RGMA: variants seen among roughly 807,000 people sequenced by gnomAD.
RGMA encodes repulsive guidance molecule BMP co-receptor a.
In RGMA, 10 loss-of-function variants were observed where a neutral mutation model predicts 23.2. The ratio of observed to expected loss-of-function variants is 0.43; its 90% confidence interval spans 0.27 to 0.73. The LOEUF is 0.73. RGMA is among the 30% of genes least tolerant of loss of function. RGMA has a pLI of 0.20. For synonymous variants in RGMA, 308 were observed against 279.3 expected, an observed-to-expected ratio of 1.10 and a Z score of -1.03; for missense variants, 547 against 630.5, an observed-to-expected ratio of 0.87 and a Z score of 1.42.
intron 2 of RGMA, among the ~76,000 whole-genome samples, chr15:93,058,099 C>T (rs2055043061): frequency 6.6e-6 from 1 of 152,202 alleles, no homozygotes; most frequent in Non-Finnish European, 1.5e-5. Context: ...TGCCTCTGTC[C>T]TTCCCTTGTT....
intron 1 of RGMA, among the ~76,000 whole-genome samples, chr15:93,082,438 T>A (rs981859950): frequency 6.6e-6 from 1 of 152,198 alleles, no homozygotes; most frequent in South Asian, 2.1e-4. Context: ...CGAGACAGAC[T>A]CATTTCTAAG....
chr15:93,073,940 G>T, intron 1 of RGMA: 1 of 1,430,692 alleles, frequency 7.0e-7, no homozygotes, highest in Non-Finnish European at 9.1e-7. Flanking sequence ...ATGGTTTGGC[G>T]CTCTCTGCGA....
At chr15:93,066,173 C>T (rs756998767) in intron 2 of RGMA, 4 of 1,398,234 alleles carry the variant, frequency 2.9e-6, no homozygotes, top group East Asian at 2.4e-5. Flanking sequence ...GCTTCTGCAC[C>T]CTTCTCTCCT....
chr15:93,080,860 A>C (rs1420653938), intron 1 of RGMA, among the ~76,000 whole-genome samples: 1 of 152,154 alleles, frequency 6.6e-6, no homozygotes, highest in Non-Finnish European at 1.5e-5. Flanking sequence ...CTGGGACTAT[A>C]AACTGGGGTA....
rs115896487 is a variant in RGMA, at chr15:93,061,947, G to C, written c.131-9440C>G. Among the ~76,000 whole-genome samples the C allele has an allele frequency of 3.5e-3, 529 of 152,294 alleles. 3 individuals carry two copies. The highest frequency in any genetic ancestry group is 0.012 in the African/African-American group (500 of 41,544). On this transcript the variant is annotated intron_variant, in intron 2 of 3. Coordinates refer to ENST00000329082, the MANE Select transcript of RGMA (RefSeq NM_020211.3). ...AGGAGTCCTAGGAATGCAGTGAGCT[G>C]CTGCAGAGCCTGAACCCAGGAATAA...
chr15:93,075,867 A>C (rs1261361299), intron 1 of RGMA, among the ~76,000 whole-genome samples: 1 of 152,078 alleles, frequency 6.6e-6, no homozygotes. Flanking sequence ...CTGAATTTGG[A>C]CATCTTCAAA....
intron 2 of RGMA, among the ~76,000 whole-genome samples, chr15:93,059,567 G>A (rs2055069245): frequency 6.6e-6 from 1 of 152,208 alleles, no homozygotes; most frequent in African/African-American, 2.4e-5. Context: ...ATGTGGAAAG[G>A]AAGCTCTCTG....
At chr15:93,072,611 A>T (rs866584317) in intron 2 of RGMA, among the ~76,000 whole-genome samples, 1 of 152,024 alleles carries the variant, frequency 6.6e-6, no homozygotes, top group African/African-American at 2.4e-5. Context: ...AGCCCCTAGG[A>T]GGCACGTTCC....
chr15:93,072,120 GA>G (rs1468678514), intron 2 of RGMA, among the ~76,000 whole-genome samples: 2 of 151,658 alleles, frequency 1.3e-5, no homozygotes, highest in Non-Finnish European at 2.9e-5. Flanking sequence ...CCCCCGAAAG[GA>G]AAAAAAGTAA....
chr15:93,048,166 G>A (rs1173732191), intron 3 of RGMA, among the ~76,000 whole-genome samples: 1 of 152,180 alleles, frequency 6.6e-6, no homozygotes, highest in Non-Finnish European at 1.5e-5. Context: ...GGTGCCCCTG[G>A]CCGTGTTGCT....
intron 1 of RGMA, among the ~76,000 whole-genome samples, chr15:93,079,702 C>G (rs1275681001): frequency 6.6e-6 from 1 of 152,090 alleles, no homozygotes. Flanking sequence ...CACCTGTAAC[C>G]CCAGCTACTT....
rs1192318185 is a variant in RGMA at position 93,066,112 on chromosome 15, G to T, written c.130+6804C>A. 7 of 1,400,654 alleles carry T rather than the reference G, an allele frequency of 5.0e-6. No homozygotes were observed. The African/African-American group carries it at 9.9e-5, about 20-fold the overall frequency. 86.8% of individuals were successfully genotyped at this position (1,400,654 alleles called of 1,614,324 possible). A position where few individuals can be genotyped will look rare whatever the true frequency, so the allele number is the denominator to read the frequency against. ...TCGGCGAAACTTACGTAGGTTGGGG[G>T]CATAACAGCTGCCCTTCACGGGCAC... On this transcript the variant is annotated intron_variant, in intron 2 of 3. Coordinates refer to ENST00000329082, the MANE Select transcript of RGMA (RefSeq NM_020211.3).
chr15:93,073,222 A>T lies in RGMA; in HGVS notation c.15-191T>A. 3 of 1,085,860 alleles carry T rather than the reference A, an allele frequency of 2.8e-6. No individual in the cohort carries two copies. The South Asian group carries it at 1.3e-4, about 48-fold the overall frequency. The allele number at this position is 1,085,860 out of a possible 1,614,324, so 67.3% of individuals were successfully genotyped here. On this transcript the variant is annotated intron_variant, in intron 1 of 3. Coordinates refer to ENST00000329082, the MANE Select transcript of RGMA (RefSeq NM_020211.3). ...CCATCCATCACTCGGTTCTCCGCCA[A>T]TGTCGACGCGGCCCCGCGCCCCAGC...
chr15:93,064,949 C>T (rs960124113), intron 2 of RGMA, among the ~76,000 whole-genome samples: 1 of 152,082 alleles, frequency 6.6e-6, no homozygotes, highest in East Asian at 1.9e-4. Flanking sequence ...TTCTATACCA[C>T]ACAGTACAGA....
intron 2 of RGMA, among the ~76,000 whole-genome samples, chr15:93,061,103 T>G (rs897013847): frequency 1.3e-5 from 2 of 152,196 alleles, no homozygotes; most frequent in African/African-American, 4.8e-5. Context: ...TTCTGAGGGT[T>G]GGGGACCCCC....
At chr15:93,072,242 C>A (rs1895351201) in intron 2 of RGMA, among the ~76,000 whole-genome samples, 1 of 152,146 alleles carries the variant, frequency 6.6e-6, no homozygotes, top group African/African-American at 2.4e-5. Context: ...CAGCGATCTG[C>A]CAAAAACATT....
In RGMA at chr15:93,051,879, C is replaced by T. The variant is rs1270859990; in HGVS notation, c.645+114G>A. 18 of 1,145,414 alleles carry T rather than the reference C, an allele frequency of 1.6e-5. No homozygotes were observed. In the East Asian group the frequency reaches 4.4e-4, roughly 28 times the overall value. 71.0% of individuals were successfully genotyped at this position (1,145,414 alleles called of 1,614,324 possible). On this transcript the variant is annotated intron_variant, in intron 3 of 3. Transcript: ENST00000329082. ...GGGAGGGTGCTCCTGTGTCCCCGCT[C>T]CGCTCCGTCTTCCCCCATTCCCAGG...
At chr15:93,050,781 G>A (rs780979084) in intron 3 of RGMA, among the ~76,000 whole-genome samples, 3 of 152,282 alleles carry the variant, frequency 2.0e-5, no homozygotes, top group African/African-American at 4.8e-5. Flanking sequence ...CTCCCTGTGC[G>A]CCCTGCCAGC....
Position 93,074,109 on chromosome 15 carries a change from A to G in RGMA, c.15-1078T>C, listed in dbSNP as rs962943136. 7 of 925,500 alleles carry G rather than the reference A, an allele frequency of 7.6e-6. No homozygotes were observed. The Admixed American group carries it at 1.2e-4, about 16-fold the overall frequency. 57.3% of individuals were successfully genotyped at this position (925,500 alleles called of 1,614,324 possible). Reference sequence around the variant, plus strand: ...TAAGGGACTGGTAACTTCCCCTGAGAGACATCTTTTGGATGAAACACAAAT... The same window carrying G: ...TAAGGGACTGGTAACTTCCCCTGAGGGACATCTTTTGGATGAAACACAAAT... On this transcript the variant is annotated intron_variant, in intron 1 of 3. Coordinates refer to ENST00000329082, the MANE Select transcript of RGMA (RefSeq NM_020211.3).
Sources: allele counts gnomAD v4.1 joint callset (sites outside exome capture counted in the v4.1 genomes callset), GRCh38; gene constraint gnomAD v4.1.1; transcripts MANE v1.5; gene names NCBI Gene and HGNC (gene_info 2026-07-23, HGNC 2026-07-21).